LUC7L: variants seen among roughly 807,000 people sequenced by gnomAD.
LUC7L encodes LUC7 like, also known as putative RNA-binding protein Luc7-like 1.
LUC7L carries 29 observed loss-of-function variants against 51.1 expected under a neutral mutation model. The observed-to-expected ratio is 0.57, with a 90% confidence interval of 0.42 to 0.77. The LOEUF (loss-of-function observed/expected upper bound fraction) is 0.77, where lower values mean the gene tolerates loss of function less well. LUC7L is among the 30% of genes least tolerant of loss of function. The pLI, the probability that LUC7L is intolerant of heterozygous loss-of-function variation, is 0.00. For missense variants in LUC7L, 403 were observed against 511.9 expected, an observed-to-expected ratio of 0.79 and a Z score of 2.05; for synonymous variants, 181 against 180.7, an observed-to-expected ratio of 1.00 and a Z score of -0.01.
At chr16:194,222 C>T (rs760898383) in intron 6 of LUC7L, among the ~76,000 whole-genome samples, 6 of 152,018 alleles carry the variant, frequency 3.9e-5, no homozygotes, top group African/African-American at 9.7e-5. Flanking sequence ...TCTTTAGCTC[C>T]GCCTCCTGAG....
chr16:210,009 C>G (rs904366018), intron 3 of LUC7L, among the ~76,000 whole-genome samples: 7 of 152,156 alleles, frequency 4.6e-5, no homozygotes, highest in Non-Finnish European at 7.4e-5. Flanking sequence ...GCCTCTTGGC[C>G]AGGCGTGGTA....
At chr16:189,748 C>G in intron 9 of LUC7L, 1 of 1,390,972 alleles carries the variant, frequency 7.2e-7, no homozygotes, top group East Asian at 2.6e-5. Flanking sequence ...AGGACGCAGG[C>G]AGGGGACAGT....
At chr16:204,649 G>C (rs1241378141) in intron 5 of LUC7L, among the ~76,000 whole-genome samples, 1 of 151,854 alleles carries the variant, frequency 6.6e-6, no homozygotes, top group Non-Finnish European at 1.5e-5. Context: ...TACATTTATA[G>C]TACTGTGCTG....
chr16:190,238 C>T, intron 8 of LUC7L, 103 bp from the exon 9 acceptor site: 1 of 1,030,150 alleles, frequency 9.7e-7, no homozygotes, highest in South Asian at 1.5e-5. Flanking sequence ...GACATTTTCT[C>T]CTTTACTCCC....
chr16:193,388 G>A (rs2049062945), intron 6 of LUC7L, among the ~76,000 whole-genome samples: 1 of 151,946 alleles, frequency 6.6e-6, no homozygotes, highest in African/African-American at 2.4e-5. Context: ...CTTGTGACCC[G>A]CCTGCCTCAG....
Position 190,521 on chromosome 16 carries a change from T to G in LUC7L, c.806+20A>C. 6.2e-7 allele frequency: 1 copy of G among 1,613,258 alleles called. No individual in the cohort carries two copies. The highest frequency in any genetic ancestry group is 1.1e-5 in the South Asian group (1 of 90,994). ...TGGAAAAAAAAATTTGAGAACATTT[T>G]AATGGACCTGGAAACCTACCTCCTG... On this transcript the variant is annotated intron_variant, in intron 8 of 9. Transcript: ENST00000293872.
At chr16:225,582 G>T (rs1020653328) in intron 2 of LUC7L, among the ~76,000 whole-genome samples, 1 of 148,876 alleles carries the variant, frequency 6.7e-6, no homozygotes, top group Non-Finnish European at 1.5e-5. Flanking sequence ...TGCCTCGCGG[G>T]TTCAAGTGAC....
chr16:208,370 T>A, intron 3 of LUC7L, 182 bp from the exon 4 acceptor site: 1 of 527,732 alleles, frequency 1.9e-6, no homozygotes, highest in East Asian at 3.8e-5. Flanking sequence ...CAAGGGGATC[T>A]GTTAAACAGA....
chr16:192,827 T>C (rs576736452), intron 7 of LUC7L, 100 bp downstream of exon 7: 9 of 1,034,094 alleles, frequency 8.7e-6, no homozygotes, highest in Admixed American at 3.6e-5. Context: ...TATAACGGCC[T>C]ATTGGGCAGG....
At chr16:224,870 A>C (rs1391683334) in intron 2 of LUC7L, among the ~76,000 whole-genome samples, 1 of 151,896 alleles carries the variant, frequency 6.6e-6, no homozygotes, top group Non-Finnish European at 1.5e-5. Flanking sequence ...TTCAGCACTT[A>C]CTTTTCAATG....
chr16:190,864 G>T, intron 7 of LUC7L: 1 of 324,406 alleles, frequency 3.1e-6, no homozygotes, highest in Non-Finnish European at 5.5e-6. Context: ...TGGGCAACAA[G>T]AATAAAACTT....
In LUC7L at chr16:225,486, CTTTTTT is replaced by C. The variant is rs1172177139; in HGVS notation, c.156+1750_156+1755del. Among the ~76,000 whole-genome samples, 5 of 99,426 alleles carry C rather than the reference CTTTTTT, an allele frequency of 5.0e-5. 1 individual carries two copies. The highest frequency in any genetic ancestry group is 1.9e-4 in the African/African-American group (5 of 26,254). The allele number at this position is 99,426 out of a possible 152,430, so 65.2% of individuals were successfully genotyped here. A position where few individuals can be genotyped will look rare whatever the true frequency, so the allele number is the denominator to read the frequency against. The stretch of plus-strand genomic sequence containing the variant: ...GGGCAACAAGAGCGAAACTCCGTCT[CTTTTTT>C]TTTTTTTTTTTGAGACAGAGTTTTG... On this transcript the variant is annotated intron_variant, in intron 2 of 9. Transcript: ENST00000293872.
In LUC7L at chr16:190,565, C is replaced by A. The variant is rs1262709434; in HGVS notation, c.782G>T (p.Gly261Val). The change falls in exon 8 of 10, where the codon GGA becomes GTA. Residue 261 changes from glycine (G) to valine (V), a missense_variant. Gly to Val is a moderately radical substitution (Grantham distance 109). Coordinates refer to ENST00000293872, the MANE Select transcript of LUC7L (RefSeq NM_201412.3). ...EREERLSRRS[G>V]SRTRDRRRSR... ...CCTCCTGCGATCTCTGGTTCTTGAT[C>A]CCGACCTAAAAGGGGGAAAAAAAGA... The A allele has an allele frequency of 6.2e-7, 1 of 1,613,222 alleles. No homozygotes were observed. Among genetic ancestry groups the A allele is most frequent in the Non-Finnish European group, 8.5e-7 (1 of 1,179,992 alleles).
At chr16:195,321 C>A (rs113562505) in intron 6 of LUC7L, among the ~76,000 whole-genome samples, 2 of 151,978 alleles carry the variant, frequency 1.3e-5, no homozygotes, top group African/African-American at 4.8e-5. Flanking sequence ...TCAGGAGACT[C>A]AGGATGCAGG....
chr16:218,308 G>A (rs1207224417), intron 3 of LUC7L, among the ~76,000 whole-genome samples: 3 of 152,126 alleles, frequency 2.0e-5, no homozygotes, highest in African/African-American at 7.2e-5. Context: ...CCCATGCTCA[G>A]TGCCTTCCCG....
chr16:220,672 T>C lies in LUC7L; in HGVS notation c.232A>G (p.Arg78Gly), dbSNP rs1311458277. The change falls in exon 3 of 10, where the codon AGA becomes GGA. Residue 78 changes from arginine (R) to glycine (G), a missense_variant. Transcript: ENST00000293872. Reference sequence around the variant, plus strand: ...ACATCTAATTCAAAAAACAGGTCTCTTTCTTTACTTGCAATCTCATAATCT... The same window carrying C: ...ACATCTAATTCAAAAAACAGGTCTCCTTCTTTACTTGCAATCTCATAATCT... ...RADYEIASKE[R>G]DLFFELDAMD... 6.2e-7 allele frequency: 1 copy of C among 1,613,746 alleles called. No homozygotes were observed. Among genetic ancestry groups the C allele is most frequent in the African/African-American group, 1.3e-5 (1 of 75,054 alleles).
chr16:200,003 C>CT (rs1315248478), intron 5 of LUC7L, among the ~76,000 whole-genome samples: 1 of 150,152 alleles, frequency 6.7e-6, no homozygotes, highest in East Asian at 2.0e-4. Context: ...AAAAAAGGTA[C>CT]TAACAGGCTG....
chr16:206,890 TAAAAAAAAAAA>T lies in LUC7L; in HGVS notation c.367-754_367-744del, dbSNP rs67775388. Among the ~76,000 whole-genome samples the T allele has an allele frequency of 1.7e-4, 17 of 99,558 alleles. 1 individual carries two copies. In the East Asian group the frequency reaches 5.5e-3, roughly 32 times the overall value. The allele number at this position is 99,558 out of a possible 152,430, so 65.3% of individuals were successfully genotyped here. A position where few individuals can be genotyped will look rare whatever the true frequency, so the allele number is the denominator to read the frequency against. ...CTTGGGCAACAGACTCCATCTTTAT[TAAAAAAAAAAA>T]AAAAAAAAAAAAAGATGGCTGGGTG... On this transcript the variant is annotated intron_variant, in intron 4 of 9. Transcript: ENST00000293872.
intron 3 of LUC7L, among the ~76,000 whole-genome samples, chr16:213,012 C>T (rs2142088957): frequency 6.6e-6 from 1 of 152,314 alleles, no homozygotes; most frequent in African/African-American, 2.4e-5. Context: ...AATCTTCCGG[C>T]CTCTGCCTCC....
Sources: allele counts gnomAD v4.1 joint callset (sites outside exome capture counted in the v4.1 genomes callset), GRCh38; gene constraint gnomAD v4.1.1; transcripts MANE v1.5; gene names NCBI Gene and HGNC (gene_info 2026-07-23, HGNC 2026-07-21).